SCRG1: variants seen among roughly 807,000 people sequenced by gnomAD.
SCRG1 encodes the protein scrapie-responsive protein 1.
Under a neutral mutation model 7.7 loss-of-function variants are expected in SCRG1, and 3 were observed. The ratio of observed to expected loss-of-function variants is 0.39; its 90% confidence interval spans 0.18 to 1.01. The LOEUF is 1.01. SCRG1 is among the 50% of genes least tolerant of loss of function. SCRG1 has a pLI of 0.36. For synonymous variants in SCRG1, 46 were observed against 41.2 expected, an observed-to-expected ratio of 1.12 and a Z score of -0.44; for missense variants, 110 against 117.2, an observed-to-expected ratio of 0.94 and a Z score of 0.28.
At chr4:173,485,613 G>A in the SCRG1 span, among the ~76,000 whole-genome samples, 1 of 152,044 alleles carries the variant, frequency 6.6e-6, no homozygotes, top group Non-Finnish European at 1.5e-5. Flanking sequence ...CACTTCAAGA[G>A]GATACATAGA....
chr4:173,505,461 A>C, the SCRG1 span, among the ~76,000 whole-genome samples: 1 of 152,290 alleles, frequency 6.6e-6, no homozygotes, highest in Admixed American at 6.5e-5. The surrounding 1 kb of genome is among the most constrained non-coding windows in gnomAD (Gnocchi z 4.4). Flanking sequence ...CTCAGCCATC[A>C]GTACATTGGG....
chr4:173,488,764 C>A, the SCRG1 span, among the ~76,000 whole-genome samples: 1 of 152,128 alleles, frequency 6.6e-6, no homozygotes, highest in Non-Finnish European at 1.5e-5. Context: ...TATTTTTCCA[C>A]TTTCCAAAGA....
chr4:173,434,218 T>G, the SCRG1 span, among the ~76,000 whole-genome samples: 8 of 152,206 alleles, frequency 5.3e-5, no homozygotes, highest in African/African-American at 1.9e-4. Context: ...TGTTAGAAAT[T>G]TAAGGAACTC....
chr4:173,478,555 C>G, the SCRG1 span, among the ~76,000 whole-genome samples: 2 of 152,152 alleles, frequency 1.3e-5, no homozygotes, highest in Non-Finnish European at 2.9e-5. Flanking sequence ...TCAGTGTTAG[C>G]TTTTCCTCTT....
chr4:173,431,709 A>G, the SCRG1 span, among the ~76,000 whole-genome samples: 1 of 152,218 alleles, frequency 6.6e-6, no homozygotes, highest in Non-Finnish European at 1.5e-5. Flanking sequence ...ATGTGAGTAT[A>G]AGAGGCAAAA....
At chr4:173,488,496 T>C in the SCRG1 span, among the ~76,000 whole-genome samples, 6 of 152,130 alleles carry the variant, frequency 3.9e-5, no homozygotes, top group Admixed American at 3.9e-4. Flanking sequence ...AAATAGAGCG[T>C]TCTAAAATTC....
chr4:173,455,042 A>G, the SCRG1 span, among the ~76,000 whole-genome samples: 1 of 152,048 alleles, frequency 6.6e-6, no homozygotes, highest in Admixed American at 6.6e-5. Context: ...CAAGTCTCAC[A>G]CCTGCCTCTC....
chr4:173,423,703 T>A, the SCRG1 span, among the ~76,000 whole-genome samples: 1 of 152,136 alleles, frequency 6.6e-6, no homozygotes, highest in Admixed American at 6.6e-5. Flanking sequence ...AGCATTTTGT[T>A]GTGACTGTAA....
At chr4:173,449,435 C>CT in the SCRG1 span, among the ~76,000 whole-genome samples, 32,595 of 115,570 alleles carry the variant, frequency 0.28, 4,653 homozygotes, top group South Asian at 0.44. Context: ...CATGATAAAT[C>CT]TTTTTTTTTT....
the SCRG1 span, among the ~76,000 whole-genome samples, chr4:173,499,170 C>T: frequency 1.6e-3 from 239 of 152,254 alleles, no homozygotes; most frequent in Non-Finnish European, 3.0e-3. This position sits in a 1 kb window ranked among gnomAD's most constrained non-coding sequence, Gnocchi z 4.1. Context: ...GAAAGGAGTC[C>T]ATTTAATCGA....
At chr4:173,484,427 TA>T in the SCRG1 span, among the ~76,000 whole-genome samples, 2 of 69,824 alleles carry the variant, frequency 2.9e-5, no homozygotes, top group African/African-American at 6.1e-5. Flanking sequence ...ATATATTATA[TA>T]TTATATACAT....
the SCRG1 span, among the ~76,000 whole-genome samples, chr4:173,506,463 C>G: frequency 4.3e-4 from 66 of 152,316 alleles, no homozygotes; most frequent in African/African-American, 1.6e-3. This position sits in a 1 kb window ranked among gnomAD's most constrained non-coding sequence, Gnocchi z 5.3. Context: ...ACAGCCAGGT[C>G]TGCTCTCTTT....
chr4:173,403,635 G>A (rs1739818603), upstream of SCRG1, among the ~76,000 whole-genome samples: 1 of 152,106 alleles, frequency 6.6e-6, no homozygotes, highest in Non-Finnish European at 1.5e-5. Flanking sequence ...TCCACTTTTA[G>A]GAGCCCATGG....
At chr4:173,446,740 GA>G in the SCRG1 span, 8 of 152,344 alleles carry the variant, frequency 5.3e-5, no homozygotes, top group South Asian at 2.1e-4. Context: ...GACACAAAAT[GA>G]GAAGCACATA....
the SCRG1 span, among the ~76,000 whole-genome samples, chr4:173,457,215 G>A: frequency 8.5e-5 from 13 of 152,298 alleles, no homozygotes; most frequent in South Asian, 2.3e-3. Context: ...CACAAAGCAC[G>A]GTCATGCCCT....
the SCRG1 span, among the ~76,000 whole-genome samples, chr4:173,470,914 A>G: frequency 6.6e-6 from 1 of 152,240 alleles, no homozygotes; most frequent in Non-Finnish European, 1.5e-5. Flanking sequence ...AAAGGGCATG[A>G]ATTAAAATGA....
the SCRG1 span, among the ~76,000 whole-genome samples, chr4:173,418,469 C>G: frequency 2.6e-5 from 4 of 152,294 alleles, no homozygotes; most frequent in African/African-American, 9.6e-5. Context: ...CAACCTGCAG[C>G]CCTCATGAAA....
rs144844810 is a variant in SCRG1, at chr4:173,391,475, G to A, written c.-14-47C>T. ...AATGTGTCAATGTTTGTTTTTTAAA[G>A]ATAGAATTCATCTGAATGAAGTTCT... On this transcript the variant is annotated intron_variant, in intron 1 of 2. Transcript: ENST00000296506. 1.3e-4 allele frequency: 203 copies of A among 1,589,558 alleles called. 2 individuals carry two copies. The African/African-American group carries it at 2.1e-3, about 16-fold the overall frequency.
At chr4:173,487,725 A>T in the SCRG1 span, among the ~76,000 whole-genome samples, 7 of 152,202 alleles carry the variant, frequency 4.6e-5, no homozygotes, top group African/African-American at 1.7e-4. Context: ...GGCTTTTTTT[A>T]AATTTTAAAT....
Sources: gnomAD v4.1 joint callset for allele counts (sites outside exome capture counted in the v4.1 genomes callset) on GRCh38, gnomAD v4.1.1 for gene constraint, Gnocchi (gnomAD v3.1) non-coding constraint, MANE v1.5 for transcripts, NCBI Gene and HGNC (gene_info 2026-07-23, HGNC 2026-07-21) for gene names.